The following CDC14A variants were observed in gnomAD, a reference collection of about 807,000 sequenced individuals.
CDC14A encodes the protein dual specificity protein phosphatase CDC14A.
In CDC14A, 53 loss-of-function variants were observed where a neutral mutation model predicts 74.4. The observed-to-expected ratio is 0.71, with a 90% confidence interval of 0.57 to 0.89. The LOEUF (loss-of-function observed/expected upper bound fraction) is 0.89, where lower values mean the gene tolerates loss of function less well. Ranked by LOEUF, CDC14A falls within the 40% of genes least tolerant of loss-of-function variation. The pLI is 0.00. For missense variants in CDC14A, 646 were observed against 713.7 expected (o/e 0.91, Z 1.08); for synonymous variants, 247 against 258.4 (o/e 0.96, Z 0.43).
intron 4 of CDC14A, among the ~76,000 whole-genome samples, chr1:100,395,516 T>C (rs1658348803): frequency 6.6e-6 from 1 of 152,246 alleles, no homozygotes; most frequent in African/African-American, 2.4e-5. Flanking sequence ...AATCAGAATG[T>C]ATCTTTCCAT....
rs532936503 is a variant in CDC14A, at chr1:100,426,234, C to A, written c.389+1933C>A. ...TTCAAGAGAATCTCCTGCTTCAGCC[C>A]CCTGAATAGCTGGAATTGGAGGCCC... On this transcript the variant is annotated intron_variant, in intron 5 of 15. Transcript: ENST00000336454. Among the ~76,000 whole-genome samples, 41 of 152,100 alleles carry A rather than the reference C, an allele frequency of 2.7e-4. No individual in the cohort carries two copies. In the South Asian group the frequency reaches 3.5e-3, roughly 13 times the overall value.
chr1:100,358,676 A>G (rs1345806789), intron 2 of CDC14A, among the ~76,000 whole-genome samples: 1 of 152,278 alleles, frequency 6.6e-6, no homozygotes. Flanking sequence ...GATTTAAATA[A>G]TTTAAAACAT....
chr1:100,448,047 T>C (rs1235567464), intron 7 of CDC14A, among the ~76,000 whole-genome samples: 1 of 152,174 alleles, frequency 6.6e-6, no homozygotes, highest in Non-Finnish European at 1.5e-5. Context: ...CTGTTCTTAG[T>C]TGGGTTTGGG....
At chr1:100,399,854 C>CAA (rs78166292) in intron 4 of CDC14A, among the ~76,000 whole-genome samples, 9,825 of 122,724 alleles carry the variant, frequency 0.08, 680 homozygotes, top group African/African-American at 0.2. Flanking sequence ...GACCCTGACT[C>CAA]AAAAAAAAAA....
intron 2 of CDC14A, among the ~76,000 whole-genome samples, chr1:100,373,295 A>G (rs1470736477): frequency 6.6e-6 from 1 of 152,224 alleles, no homozygotes; most frequent in East Asian, 1.9e-4. Flanking sequence ...TAGTTGGTGA[A>G]GCAGTCAGAA....
intron 3 of CDC14A, among the ~76,000 whole-genome samples, chr1:100,382,303 A>C (rs1303322662): frequency 6.7e-6 from 1 of 148,998 alleles, no homozygotes; most frequent in African/African-American, 2.5e-5. Flanking sequence ...GCAGCCTCAA[A>C]CTCCTGGGCT....
intron 7 of CDC14A, among the ~76,000 whole-genome samples, chr1:100,450,050 A>T (rs919275287): frequency 2.0e-5 from 3 of 151,886 alleles, no homozygotes; most frequent in Non-Finnish European, 2.9e-5. Context: ...TACAACACAG[A>T]TTGCTAGATG....
intron 6 of CDC14A, among the ~76,000 whole-genome samples, chr1:100,441,085 A>C (rs1200488383): frequency 2.0e-5 from 3 of 152,150 alleles, no homozygotes; most frequent in Non-Finnish European, 4.4e-5. Context: ...CGTCACTATT[A>C]TTATTTTGCC....
At chr1:100,415,560 C>G (rs1286435021) in intron 4 of CDC14A, among the ~76,000 whole-genome samples, 1 of 152,206 alleles carries the variant, frequency 6.6e-6, no homozygotes, top group African/African-American at 2.4e-5. Flanking sequence ...TTGCTGACTT[C>G]ATAATCTGTG....
chr1:100,468,090 G>A lies in CDC14A; in HGVS notation c.973G>A (p.Glu325Lys). Reference sequence around the variant, plus strand: ...TATAGGACCCCAGCAGCACTTCCTGGAAGAGTAAGTATATTGTCCCCATTA... The same window carrying A: ...TATAGGACCCCAGCAGCACTTCCTGAAAGAGTAAGTATATTGTCCCCATTA... ...SIIGPQQHFL[E>K]EKQASLWVQG... Residue 325 changes from glutamate to lysine, a missense_variant, in exon 10 of 16, where the codon GAA becomes AAA. By Grantham distance (56) the Glu-to-Lys change is moderately conservative (BLOSUM62 1). Coordinates refer to ENST00000336454, the MANE Select transcript of CDC14A (RefSeq NM_003672.4). 3.1e-6 allele frequency: 5 copies of A among 1,613,608 alleles called. No homozygotes were observed. The highest frequency in any genetic ancestry group is 4.2e-6 in the Non-Finnish European group (5 of 1,179,812).
At chr1:100,499,613 G>A in intron 15 of CDC14A, 1 of 586,916 alleles carries the variant, frequency 1.7e-6, no homozygotes, top group South Asian at 3.3e-5. Flanking sequence ...TGAATATCTG[G>A]TGCTAAGCCA....
At chr1:100,354,128 T>C (rs963723240) in intron 2 of CDC14A, among the ~76,000 whole-genome samples, 1 of 152,114 alleles carries the variant, frequency 6.6e-6, no homozygotes, top group African/African-American at 2.4e-5. Context: ...TTCCCCAGAG[T>C]AGGACCAGGG....
chr1:100,496,143 C>T, intron 13 of CDC14A, 94 bp downstream of exon 13: 2 of 1,006,372 alleles, frequency 2.0e-6, no homozygotes, highest in Middle Eastern at 2.1e-4. Flanking sequence ...ATCAACTGTA[C>T]ACAGCTTTTT....
intron 9 of CDC14A, among the ~76,000 whole-genome samples, chr1:100,467,458 CTAAA>C (rs1368350337): frequency 6.6e-6 from 1 of 151,884 alleles, no homozygotes; most frequent in Admixed American, 6.6e-5. Context: ...CTTTTTCTAA[CTAAA>C]TGTTTTCATG....
intron 7 of CDC14A, among the ~76,000 whole-genome samples, chr1:100,451,685 G>C (rs1666156560): frequency 6.6e-6 from 1 of 152,188 alleles, no homozygotes; most frequent in Non-Finnish European, 1.5e-5. Context: ...TTGTGTCACT[G>C]TCATTCCTCT....
intron 4 of CDC14A, chr1:100,392,949 A>C: frequency 1.2e-6 from 1 of 865,414 alleles, no homozygotes; most frequent in South Asian, 1.7e-5. Context: ...TGGTTTTGGG[A>C]AGTTGCTGTT....
chr1:100,450,395 A>G (rs1483298780), intron 7 of CDC14A, among the ~76,000 whole-genome samples: 4 of 152,164 alleles, frequency 2.6e-5, no homozygotes, highest in Non-Finnish European at 4.4e-5. Context: ...CCTTCTTTAC[A>G]TGTTGGTGGA....
intron 15 of CDC14A, among the ~76,000 whole-genome samples, chr1:100,516,251 T>TGA (rs1650215040): frequency 6.6e-6 from 1 of 152,160 alleles, no homozygotes; most frequent in Admixed American, 6.5e-5. Flanking sequence ...AATAAATGAA[T>TGA]ATATATATGT....
In CDC14A at chr1:100,398,720, A is replaced by G. The variant is rs191055959; in HGVS notation, c.309+7896A>G. ...GGGCAATAGGTACAATTGGGTAAAT[A>G]TGAATTTATCTAACAAATGTTTTTT... On this transcript the variant is annotated intron_variant, in intron 4 of 15. Coordinates refer to ENST00000336454, the MANE Select transcript of CDC14A (RefSeq NM_003672.4). 1.9e-3 allele frequency among the ~76,000 whole-genome samples: 290 copies of G among 152,332 alleles called. 3 individuals carry two copies. The highest frequency in any genetic ancestry group is 6.5e-3 in the African/African-American group (269 of 41,564).
Sources: gnomAD v4.1 joint callset for allele counts (sites outside exome capture counted in the v4.1 genomes callset) on GRCh38, gnomAD v4.1.1 for gene constraint, MANE v1.5 for transcripts, NCBI Gene and HGNC (gene_info 2026-07-23, HGNC 2026-07-21) for gene names.